ARMC6: variants seen among roughly 807,000 people sequenced by gnomAD.
ARMC6 encodes armadillo repeat-containing protein 6.
In ARMC6, 43 loss-of-function variants were observed where a neutral mutation model predicts 49.2. That is an observed-to-expected ratio of 0.87 (90% CI 0.69 to 1.13). The LOEUF is 1.13. Ranked by LOEUF, ARMC6 falls within the 50% of genes most tolerant of loss-of-function variation. ARMC6 has a pLI of 0.00. For missense variants in ARMC6, 627 were observed against 682.0 expected, an observed-to-expected ratio of 0.92 and a Z score of 0.90; for synonymous variants, 262 against 289.6, an observed-to-expected ratio of 0.90 and a Z score of 0.97.
intron 2 of ARMC6, among the ~76,000 whole-genome samples, chr19:19,038,912 CACACACACACACACAT>C (rs2059391257): frequency 6.6e-6 from 1 of 151,572 alleles, no homozygotes; most frequent in Non-Finnish European, 1.5e-5. Context: ...CACACACACA[CACACACACACACACAT>C]TTTTTTTAAG....
chr19:19,045,232 C>T (rs1163247475), intron 4 of ARMC6, among the ~76,000 whole-genome samples: 1 of 152,000 alleles, frequency 6.6e-6, no homozygotes, highest in Non-Finnish European at 1.5e-5. Flanking sequence ...AGGCTGGTCT[C>T]GAACTCCTGA....
In ARMC6 at chr19:19,055,338, G is replaced by A. The variant is rs374945143; in HGVS notation, c.1097G>A (p.Arg366His). The change falls in exon 7 of 9, where the codon CGT (arginine) becomes CAT (histidine). Residue 366 changes from arginine to histidine, a missense_variant. Coordinates refer to ENST00000535612, the MANE Select transcript of ARMC6 (RefSeq NM_001199196.2). The surrounding 1 kb of genome is among the most constrained non-coding windows in gnomAD (Gnocchi z 5.7). ...GACGACGTGAAAGATGCTATTGTCC[G>A]TGCTGGTGGGACGGAGTCCATCGTG... ...GNDDVKDAIV[R>H]AGGTESIVAA... The A allele has an allele frequency of 1.4e-4, 231 of 1,613,446 alleles. No homozygotes were observed. In the Middle Eastern group the frequency reaches 5.1e-3, roughly 36 times the overall value.
chr19:19,057,631 C>T lies in ARMC6; in HGVS notation c.*3C>T. On this transcript the variant is annotated 3_prime_UTR_variant, in exon 9 of 9. Transcript: ENST00000535612. Reference sequence around the variant, plus strand: ...AGAGGGGCAACCTGGCGCCATGACCCCAGGCCCAGTCTGGGCCGTGACTCT... The same window carrying T: ...AGAGGGGCAACCTGGCGCCATGACCTCAGGCCCAGTCTGGGCCGTGACTCT... 1.2e-6 allele frequency: 2 copies of T among 1,611,470 alleles called. No individual in the cohort carries two copies. Among genetic ancestry groups the T allele is most frequent in the Non-Finnish European group, 1.7e-6 (2 of 1,179,928 alleles).
Position 19,055,866 on chromosome 19 carries a change from G to A in ARMC6, c.1231G>A (p.Gly411Ser). The A allele has an allele frequency of 6.2e-7, 1 of 1,613,064 alleles. No individual in the cohort carries two copies. The highest frequency in any genetic ancestry group is 8.5e-7 in the Non-Finnish European group (1 of 1,179,498). ...CGACAACAGCCGCATCATCGTGGAG[G>A]GTGGCGGGGCTGTGGCAGCACTGCA... ...KPDNSRIIVE[G>S]GGAVAALQAM... Residue 411 changes from glycine (G) to serine (S), a missense_variant, in exon 8 of 9, where the codon GGT becomes AGT. By Grantham distance (56) the Gly-to-Ser change is moderately conservative (BLOSUM62 0). Transcript: ENST00000535612. This position sits in a 1 kb window ranked among gnomAD's most constrained non-coding sequence, Gnocchi z 5.7.
chr19:19,057,988 C>T lies in ARMC6; in HGVS notation c.*360C>T, dbSNP rs567971779. 3 of 364,352 alleles carry T rather than the reference C, an allele frequency of 8.2e-6. No homozygotes were observed. Among genetic ancestry groups the T allele is most frequent in the African/African-American group, 4.2e-5 (2 of 47,686 alleles). 22.6% of individuals were successfully genotyped at this position (364,352 alleles called of 1,614,324 possible). A position where few individuals can be genotyped will look rare whatever the true frequency, so the allele number is the denominator to read the frequency against. On this transcript the variant is annotated 3_prime_UTR_variant, in exon 9 of 9. Coordinates refer to ENST00000535612, the MANE Select transcript of ARMC6 (RefSeq NM_001199196.2). ...TGGGCCAGGCTCAGGGCAGGGCAGG[C>T]GATTCCAGTGGGGTTGGGCCCCCTG...
In ARMC6 at chr19:19,045,493, C is replaced by CTTTTTTT. The variant is rs11270900; in HGVS notation, c.279+1424_279+1430dup. On this transcript the variant is annotated intron_variant, in intron 4 of 8. Coordinates refer to ENST00000535612, the MANE Select transcript of ARMC6 (RefSeq NM_001199196.2). The stretch of plus-strand genomic sequence containing the variant: ...TAAGTGCTCAGCATTATGCTAAATT[C>CTTTTTTT]TTTTTTTTTTTGAGACAAGAGTCTC... Among the ~76,000 whole-genome samples, 18 of 89,128 alleles carry CTTTTTTT rather than the reference C, an allele frequency of 2.0e-4. 3 individuals carry two copies. Among genetic ancestry groups the CTTTTTTT allele is most frequent in the South Asian group, 1.2e-3 (3 of 2,524 alleles). The allele number at this position is 89,128 out of a possible 152,430, so 58.5% of individuals were successfully genotyped here.
chr19:19,057,251 G>T (rs1252672540), intron 8 of ARMC6, among the ~76,000 whole-genome samples, 165 bp from the exon 9 acceptor site: 1 of 152,256 alleles, frequency 6.6e-6, no homozygotes, highest in Non-Finnish European at 1.5e-5. Context: ...GGGCTGCCAA[G>T]AGGGTAAAGT....
At chr19:19,038,924 C>CACAT (rs1555756895) in intron 2 of ARMC6, among the ~76,000 whole-genome samples, 1 of 150,926 alleles carries the variant, frequency 6.6e-6, no homozygotes, top group South Asian at 2.1e-4. Context: ...CACACACACA[C>CACAT]ACATTTTTTT....
At chr19:19,043,911 G>C in intron 3 of ARMC6, 81 bp from the exon 4 acceptor site, 1 of 1,331,484 alleles carries the variant, frequency 7.5e-7, no homozygotes, top group Non-Finnish European at 1.1e-6. Flanking sequence ...GTCCTGAGGT[G>C]TGATTCCAGC....
At chr19:19,045,330 A>C (rs2145858465) in intron 4 of ARMC6, among the ~76,000 whole-genome samples, 1 of 152,250 alleles carries the variant, frequency 6.6e-6, no homozygotes, top group East Asian at 1.9e-4. Flanking sequence ...ATTTATTTTA[A>C]AATGAGTTTG....
At chr19:19,053,866 A>G (rs1472393435) in intron 5 of ARMC6, among the ~76,000 whole-genome samples, 1 of 147,576 alleles carries the variant, frequency 6.8e-6, no homozygotes, top group African/African-American at 2.5e-5. Context: ...TTGCACTATT[A>G]TAGTTTTCTT....
At chr19:19,048,727 G>T (rs918075002) in intron 4 of ARMC6, among the ~76,000 whole-genome samples, 5 of 152,032 alleles carry the variant, frequency 3.3e-5, no homozygotes, top group Admixed American at 1.3e-4. Flanking sequence ...CCTGAATCAG[G>T]GAAAAGACCT....
chr19:19,041,247 G>C (rs897026361), intron 2 of ARMC6, among the ~76,000 whole-genome samples: 1 of 152,178 alleles, frequency 6.6e-6, no homozygotes, highest in Non-Finnish European at 1.5e-5. Context: ...TAGAAAATTA[G>C]ATCTTTGTTT....
In ARMC6 at chr19:19,041,498, G is replaced by A. The variant is rs191304345; in HGVS notation, c.30-1213G>A. Among the ~76,000 whole-genome samples, 33 of 152,072 alleles carry A rather than the reference G, an allele frequency of 2.2e-4. 1 individual carries two copies. In the East Asian group the frequency reaches 5.2e-3, roughly 24 times the overall value. On this transcript the variant is annotated intron_variant, in intron 2 of 8. Coordinates refer to ENST00000535612, the MANE Select transcript of ARMC6 (RefSeq NM_001199196.2). Reference sequence around the variant, plus strand: ...CGAGTGGCTGGGATCACAGGTGCCCGCCACCATGCCCGGTTAATTTTTGTA... The same window carrying A: ...CGAGTGGCTGGGATCACAGGTGCCCACCACCATGCCCGGTTAATTTTTGTA...
At chr19:19,042,668 T>A (rs748810373) in intron 2 of ARMC6, 43 bp from the exon 3 acceptor site, 132 of 1,605,246 alleles carry the variant, frequency 8.2e-5, no homozygotes, top group Non-Finnish European at 1.1e-4. Flanking sequence ...TGCCATTGCC[T>A]GCTCACCCTT....
chr19:19,044,116 T>C, intron 4 of ARMC6, 42 bp downstream of exon 4: 1 of 1,564,218 alleles, frequency 6.4e-7, no homozygotes, highest in South Asian at 1.1e-5. Context: ...GCGTCACCTC[T>C]GTCTGGGGGC....
At chr19:19,042,249 G>A (rs2059416616) in intron 2 of ARMC6, among the ~76,000 whole-genome samples, 1 of 152,038 alleles carries the variant, frequency 6.6e-6, no homozygotes, top group African/African-American at 2.4e-5. Context: ...ATTATTATTT[G>A]CTACATCCGT....
chr19:19,050,042 A>T (rs895389439), intron 4 of ARMC6, among the ~76,000 whole-genome samples: 16 of 152,012 alleles, frequency 1.1e-4, no homozygotes, highest in African/African-American at 3.4e-4. Context: ...AATTTTTTTT[A>T]AATAAATGGA....
chr19:19,038,927 A>AT (rs2059391634), intron 2 of ARMC6, among the ~76,000 whole-genome samples: 1 of 145,480 alleles, frequency 6.9e-6, no homozygotes, highest in African/African-American at 2.6e-5. Context: ...ACACACACAC[A>AT]TTTTTTTTAA....
Sources: gnomAD v4.1 joint callset for allele counts (sites outside exome capture counted in the v4.1 genomes callset) on GRCh38, gnomAD v4.1.1 for gene constraint, Gnocchi (gnomAD v3.1) non-coding constraint, MANE v1.5 for transcripts, NCBI Gene and HGNC (gene_info 2026-07-23, HGNC 2026-07-21) for gene names.